The following KHDRBS2 variants were observed in gnomAD, a reference collection of about 807,000 sequenced individuals.
The protein encoded by KHDRBS2 is KH RNA binding domain containing, signal transduction associated 2, also known as KH domain-containing, RNA-binding, signal transduction-associated protein 2.
A neutral mutation model predicts 44.3 loss-of-function variants in KHDRBS2; 26 were observed. The ratio of observed to expected loss-of-function variants is 0.59; its 90% CI spans 0.43 to 0.81. The LOEUF (loss-of-function observed/expected upper bound fraction) is 0.81. Among genes scored for constraint, KHDRBS2 ranks in the 40% least tolerant of loss-of-function variants. The pLI, the probability that KHDRBS2 is intolerant of heterozygous loss-of-function variation, is 0.00. For missense variants in KHDRBS2, 476 were observed against 433.1 expected (o/e 1.10, Z -0.88); for synonymous variants, 194 against 151.1 (o/e 1.28, Z -2.08).
chr6:62,109,620 T>G (rs1804521642), intron 2 of KHDRBS2, among the ~76,000 whole-genome samples: 1 of 151,944 alleles, frequency 6.6e-6, no homozygotes, highest in South Asian at 2.1e-4. Flanking sequence ...TAAAAGATCA[T>G]ATAGTGGCAA....
At chr6:62,199,400 C>T (rs1391398775) in intron 1 of KHDRBS2, among the ~76,000 whole-genome samples, 1 of 152,110 alleles carries the variant, frequency 6.6e-6, no homozygotes, top group African/African-American at 2.4e-5. Flanking sequence ...TCTCAGGATA[C>T]AAAATCAATG....
At chr6:62,063,955 C>T (rs868091220) in intron 2 of KHDRBS2, among the ~76,000 whole-genome samples, 2 of 147,786 alleles carry the variant, frequency 1.4e-5, no homozygotes, top group Admixed American at 6.9e-5. Context: ...AATCAATGTA[C>T]AAAAATCACA....
At chr6:61,917,846 A>G (rs1423857257) in intron 4 of KHDRBS2, among the ~76,000 whole-genome samples, 6 of 152,036 alleles carry the variant, frequency 3.9e-5, no homozygotes, top group African/African-American at 1.4e-4. Flanking sequence ...TATGATTTCA[A>G]TAGCATAATG....
At chr6:61,958,032 A>T (rs892292816) in intron 4 of KHDRBS2, among the ~76,000 whole-genome samples, 5 of 152,100 alleles carry the variant, frequency 3.3e-5, no homozygotes, top group African/African-American at 1.2e-4. Flanking sequence ...CCCTATAATC[A>T]TCATTATTAT....
At chr6:61,725,810 C>G (rs1177388963) in intron 7 of KHDRBS2, among the ~76,000 whole-genome samples, 1 of 151,958 alleles carries the variant, frequency 6.6e-6, no homozygotes, top group East Asian at 1.9e-4. Flanking sequence ...AAATAGCCCA[C>G]CAACCAAAAA....
chr6:61,560,063 T>C, the KHDRBS2 span, among the ~76,000 whole-genome samples: 1 of 152,188 alleles, frequency 6.6e-6, no homozygotes, highest in Non-Finnish European at 1.5e-5. Flanking sequence ...GTTTGAAGTA[T>C]ATTTTGATTA....
At chr6:61,880,316 G>T (rs1337994687) in intron 6 of KHDRBS2, among the ~76,000 whole-genome samples, 1 of 151,892 alleles carries the variant, frequency 6.6e-6, no homozygotes, top group African/African-American at 2.4e-5. Context: ...GAGGAAAATT[G>T]TTAATTTGGG....
chr6:62,194,660 C>T (rs1335508313), intron 1 of KHDRBS2, among the ~76,000 whole-genome samples: 2 of 151,432 alleles, frequency 1.3e-5, no homozygotes, highest in African/African-American at 2.4e-5. Flanking sequence ...CGCCACCACA[C>T]CACACCCAGC....
the KHDRBS2 span, among the ~76,000 whole-genome samples, chr6:61,548,494 C>A: frequency 6.6e-6 from 1 of 152,052 alleles, no homozygotes; most frequent in East Asian, 1.9e-4. Context: ...AAGTTGCTGT[C>A]CAAGAACTAC....
chr6:62,126,390 A>T (rs1808977046), intron 2 of KHDRBS2, among the ~76,000 whole-genome samples: 1 of 152,240 alleles, frequency 6.6e-6, no homozygotes, highest in Admixed American at 6.5e-5. Context: ...CCCGGACAGC[A>T]TCTCTGGACC....
chr6:61,941,983 T>C (rs544653577), intron 4 of KHDRBS2, among the ~76,000 whole-genome samples: 1 of 152,090 alleles, frequency 6.6e-6, no homozygotes, highest in Non-Finnish European at 1.5e-5. Flanking sequence ...ATTATTATTA[T>C]TGGGACTTGT....
chr6:62,098,226 A>T (rs1489087684), intron 2 of KHDRBS2, among the ~76,000 whole-genome samples: 1 of 145,884 alleles, frequency 6.9e-6, no homozygotes, highest in Non-Finnish European at 1.5e-5. Flanking sequence ...CTTACCAGTG[A>T]GTTTTATAGC....
chr6:61,901,105 T>TTCA, intron 5 of KHDRBS2, 139 bp downstream of exon 5: 1 of 781,410 alleles, frequency 1.3e-6, no homozygotes, highest in Non-Finnish European at 2.0e-6. Context: ...CTGATAAGCT[T>TTCA]TCATCGTTAT....
chr6:61,930,325 T>G (rs1809770957), intron 4 of KHDRBS2, among the ~76,000 whole-genome samples: 2 of 151,880 alleles, frequency 1.3e-5, no homozygotes, highest in African/African-American at 2.4e-5. Context: ...ATTAACACCT[T>G]CTTCAAATCA....
chr6:61,803,305 C>T (rs1322080), intron 6 of KHDRBS2, among the ~76,000 whole-genome samples: 2 of 152,188 alleles, frequency 1.3e-5, no homozygotes, highest in Admixed American at 1.3e-4. Context: ...AGGTGATTCC[C>T]AGCACACTGT....
chr6:61,602,025 T>C, the KHDRBS2 span, among the ~76,000 whole-genome samples: 129,761 of 152,120 alleles, frequency 0.85, 55,807 homozygotes, highest in African/African-American at 0.94. Flanking sequence ...GGTCACGGCT[T>C]ATTTGGCAGC....
chr6:61,808,666 T>G (rs1461784039), intron 6 of KHDRBS2, among the ~76,000 whole-genome samples: 1 of 152,090 alleles, frequency 6.6e-6, no homozygotes, highest in African/African-American at 2.4e-5. Flanking sequence ...TTAGGTTAGA[T>G]TTGGATTACA....
intron 2 of KHDRBS2, among the ~76,000 whole-genome samples, chr6:62,175,852 A>G (rs1820981643): frequency 6.6e-6 from 1 of 151,492 alleles, no homozygotes; most frequent in Non-Finnish European, 1.5e-5. Context: ...AGCCATCAAG[A>G]CTTTAAATGC....
chr6:62,013,712 T>C (rs1001581967), intron 3 of KHDRBS2, among the ~76,000 whole-genome samples: 2 of 152,198 alleles, frequency 1.3e-5, no homozygotes, highest in African/African-American at 2.4e-5. Flanking sequence ...GCATCCGTCC[T>C]TACAGTAACT....
Sources: allele counts gnomAD v4.1 joint callset (sites outside exome capture counted in the v4.1 genomes callset), GRCh38; gene constraint gnomAD v4.1.1; transcripts MANE v1.5; gene names NCBI Gene and HGNC (gene_info 2026-07-23, HGNC 2026-07-21).